The following PLD5 variants were observed in gnomAD, a reference collection of about 807,000 sequenced individuals.
PLD5 encodes phospholipase D family member 5.
PLD5 carries 36 observed loss-of-function variants against 61.1 expected under a neutral mutation model. That is an observed-to-expected ratio of 0.59 (90% CI 0.45 to 0.78). The LOEUF is 0.78. Ranked by LOEUF, PLD5 falls within the 30% of genes least tolerant of loss-of-function variation. The pLI is 0.00. For synonymous variants in PLD5, 243 were observed against 242.8 expected, an observed-to-expected ratio of 1.00 and a Z score of -0.01; for missense variants, 515 against 644.4, an observed-to-expected ratio of 0.80 and a Z score of 2.17.
chr1:242,286,380 G>C (rs1675024915), intron 3 of PLD5, among the ~76,000 whole-genome samples: 1 of 152,152 alleles, frequency 6.6e-6, no homozygotes, highest in Non-Finnish European at 1.5e-5. Flanking sequence ...AGTTCAGTAA[G>C]GGATCGCTGA....
chr1:242,400,799 CAA>C (rs1263715089), intron 1 of PLD5, among the ~76,000 whole-genome samples: 1 of 151,844 alleles, frequency 6.6e-6, no homozygotes, highest in African/African-American at 2.4e-5. Context: ...GCACATGGGA[CAA>C]AAAATGGACA....
At chr1:242,436,771 T>C (rs1666015506) in intron 1 of PLD5, among the ~76,000 whole-genome samples, 1 of 152,224 alleles carries the variant, frequency 6.6e-6, no homozygotes, top group African/African-American at 2.4e-5. Flanking sequence ...GTGTAACTTA[T>C]GAAAAACAAA....
In PLD5 at chr1:242,253,908, T is replaced by C. The variant is rs531224777; in HGVS notation, c.607+11429A>G. Among the ~76,000 whole-genome samples the C allele has an allele frequency of 8.8e-4, 134 of 152,342 alleles. 1 individual carries two copies. The highest frequency in any genetic ancestry group is 3.1e-3 in the African/African-American group (129 of 41,582). On this transcript the variant is annotated intron_variant, in intron 4 of 9. Transcript: ENST00000536534. Reference sequence around the variant, plus strand: ...GAACCCTTGTGAAAGTTTAAACACATTGAATTGCAGACTTAACTTGGGCAG... The same window carrying C: ...GAACCCTTGTGAAAGTTTAAACACACTGAATTGCAGACTTAACTTGGGCAG...
At chr1:242,374,580 G>A (rs547815061) in intron 1 of PLD5, among the ~76,000 whole-genome samples, 24 of 152,108 alleles carry the variant, frequency 1.6e-4, no homozygotes, top group Admixed American at 3.3e-4. Flanking sequence ...TTACTATAAC[G>A]TTCCCCTTTG....
chr1:242,323,301 T>C (rs1658539453), intron 2 of PLD5, among the ~76,000 whole-genome samples: 1 of 152,206 alleles, frequency 6.6e-6, no homozygotes, highest in African/African-American at 2.4e-5. Flanking sequence ...GTGTGGCTCG[T>C]AAAACTGAGG....
At chr1:242,241,714 T>A (rs1672018268) in intron 4 of PLD5, among the ~76,000 whole-genome samples, 1 of 151,682 alleles carries the variant, frequency 6.6e-6, no homozygotes, top group African/African-American at 2.4e-5. Context: ...TACAGGCTTC[T>A]CCATCTGCAC....
intron 1 of PLD5, among the ~76,000 whole-genome samples, chr1:242,474,391 A>C (rs1667526471): frequency 6.6e-6 from 1 of 152,126 alleles, no homozygotes. Context: ...ACTTCCCCTC[A>C]CTATCCCATA....
In PLD5 at chr1:242,505,072, A is replaced by G. The variant is rs553535433; in HGVS notation, c.189+19016T>C. 9.9e-5 allele frequency among the ~76,000 whole-genome samples: 15 copies of G among 152,268 alleles called. 1 individual carries two copies. The highest frequency in any genetic ancestry group is 3.6e-4 in the African/African-American group (15 of 41,552). On this transcript the variant is annotated intron_variant, in intron 1 of 9. Coordinates refer to ENST00000536534, the MANE Select transcript of PLD5 (RefSeq NM_001372062.1). ...CTCAGGAGGCTGAGGTGGGAGGATC[A>G]CTTGAGCCCAGGACGTGGAGGCTGC...
At chr1:242,426,985 C>A (rs1007713220) in intron 1 of PLD5, among the ~76,000 whole-genome samples, 1 of 152,084 alleles carries the variant, frequency 6.6e-6, no homozygotes. Context: ...GTAGTAAGCA[C>A]CTTGGAAGCA....
intron 3 of PLD5, among the ~76,000 whole-genome samples, chr1:242,282,059 C>G (rs1047087100): frequency 5.3e-5 from 8 of 152,080 alleles, no homozygotes; most frequent in Non-Finnish European, 7.4e-5. Flanking sequence ...TAAGAACTTG[C>G]TAACAGAATA....
At position 242,218,328 on chromosome 1, in the gene PLD5, C is replaced by G. The variant is rs1222177040; in HGVS notation, c.735+1660G>C. Reference sequence around the variant, plus strand: ...ATAGTGCTACTGCACACTTAGACTACAGTATAGTGTAAAGGTAACTTTTAT... The same window carrying G: ...ATAGTGCTACTGCACACTTAGACTAGAGTATAGTGTAAAGGTAACTTTTAT... On this transcript the variant is annotated intron_variant, in intron 5 of 9. Coordinates refer to ENST00000536534, the MANE Select transcript of PLD5 (RefSeq NM_001372062.1). Among the ~76,000 whole-genome samples the G allele has an allele frequency of 3.3e-5, 5 of 152,174 alleles. 1 individual carries two copies. The East Asian group carries it at 9.6e-4, about 29-fold the overall frequency.
chr1:242,207,786 ATATTTATATATATTTATATATATT>A (rs1307611314), intron 5 of PLD5, among the ~76,000 whole-genome samples: 2 of 93,052 alleles, frequency 2.1e-5, no homozygotes, highest in African/African-American at 1.0e-4. Context: ...ATATATATTT[ATATTTATATATATTTATATATATT>A]TATATTTATA....
chr1:242,091,447 T>C (rs1444304206), intron 9 of PLD5, among the ~76,000 whole-genome samples: 1 of 152,180 alleles, frequency 6.6e-6, no homozygotes, highest in African/African-American at 2.4e-5. Context: ...GCATGTTCCT[T>C]GCCAGTCACA....
chr1:242,270,671 G>C (rs1674008603), intron 3 of PLD5, among the ~76,000 whole-genome samples: 2 of 152,188 alleles, frequency 1.3e-5, no homozygotes, highest in South Asian at 4.1e-4. Flanking sequence ...GAGTCCAGAG[G>C]CCTGCAGAAT....
At chr1:242,431,273 A>G (rs12131259) in intron 1 of PLD5, among the ~76,000 whole-genome samples, 11,184 of 152,302 alleles carry the variant, frequency 0.073, 470 homozygotes, top group Middle Eastern at 0.18. Flanking sequence ...AAGTTGCTGC[A>G]TAAAATAAGC....
intron 1 of PLD5, among the ~76,000 whole-genome samples, chr1:242,467,913 A>T (rs1667326323): frequency 6.6e-6 from 1 of 151,582 alleles, no homozygotes; most frequent in Non-Finnish European, 1.5e-5. Context: ...CTGTGCCCCC[A>T]GTAGAACCGC....
chr1:242,384,728 C>T (rs1662501715), intron 1 of PLD5, among the ~76,000 whole-genome samples: 2 of 152,120 alleles, frequency 1.3e-5, no homozygotes, highest in Admixed American at 6.6e-5. Flanking sequence ...GATTGGGTTA[C>T]CACCTATTTC....
chr1:242,344,587 T>A lies in PLD5; in HGVS notation c.326+3519A>T, dbSNP rs553801115. Among the ~76,000 whole-genome samples, 3 of 152,326 alleles carry A rather than the reference T, an allele frequency of 2.0e-5. No individual in the cohort carries two copies. In the South Asian group the frequency reaches 6.2e-4, roughly 32 times the overall value. ...AGATAATTAACATTTGCATATTATT[T>A]ATTATGAGTTTCCTGATGCTTTGGC... On this transcript the variant is annotated intron_variant, in intron 2 of 9. Coordinates refer to ENST00000536534, the MANE Select transcript of PLD5 (RefSeq NM_001372062.1).
At chr1:242,287,543 G>T in intron 3 of PLD5, among the ~76,000 whole-genome samples, 1 of 151,978 alleles carries the variant, frequency 6.6e-6, no homozygotes, top group Non-Finnish European at 1.5e-5. Context: ...AGATTCAATA[G>T]CTTTCAAAGT....
Sources: allele counts gnomAD v4.1 joint callset (sites outside exome capture counted in the v4.1 genomes callset), GRCh38; gene constraint gnomAD v4.1.1; transcripts MANE v1.5; gene names NCBI Gene and HGNC (gene_info 2026-07-23, HGNC 2026-07-21).